SLC12A9: variants seen among roughly 807,000 people sequenced by gnomAD.
SLC12A9 encodes solute carrier family 12 member 9, also known as CCC-interacting protein 1.
A neutral mutation model predicts 66.0 loss-of-function variants in SLC12A9; 55 were observed. The ratio of observed to expected loss-of-function variants is 0.83; its 90% CI spans 0.67 to 1.04. The LOEUF is 1.04. Ranked by LOEUF, SLC12A9 falls within the 50% of genes least tolerant of loss-of-function variation. The pLI is 0.00. For synonymous variants in SLC12A9, 577 were observed against 569.0 expected, an observed-to-expected ratio of 1.01 and a Z score of -0.20; for missense variants, 1,061 against 1,241.9, an observed-to-expected ratio of 0.85 and a Z score of 2.19.
intron 1 of SLC12A9, among the ~76,000 whole-genome samples, chr7:100,837,804 C>T (rs1442558786): frequency 6.6e-6 from 1 of 151,474 alleles, no homozygotes; most frequent in Non-Finnish European, 1.5e-5. Context: ...GATTATAAAC[C>T]TGAGCCAATT....
chr7:100,833,799 G>C (rs1813589314), intron 1 of SLC12A9, among the ~76,000 whole-genome samples: 2 of 151,876 alleles, frequency 1.3e-5, no homozygotes, highest in South Asian at 4.2e-4. Context: ...CGGGTGTGGT[G>C]GTGGGCACCT....
intron 1 of SLC12A9, among the ~76,000 whole-genome samples, chr7:100,842,788 C>T (rs1813814222): frequency 6.6e-6 from 1 of 152,204 alleles, no homozygotes; most frequent in Non-Finnish European, 1.5e-5. Flanking sequence ...CCAGACTGTC[C>T]CCCTTCCACT....
At chr7:100,832,217 T>A (rs2437104) in intron 1 of SLC12A9, among the ~76,000 whole-genome samples, 174 of 150,778 alleles carry the variant, frequency 1.2e-3, no homozygotes, top group African/African-American at 4.0e-3. Context: ...CAAAAAAAAA[T>A]AACTTAGCCA....
chr7:100,836,669 GT>G (rs1813665225), intron 1 of SLC12A9, among the ~76,000 whole-genome samples: 1 of 152,084 alleles, frequency 6.6e-6, no homozygotes, highest in Non-Finnish European at 1.5e-5. Flanking sequence ...CTCCTGGGCC[GT>G]TTTGCCCCAT....
At chr7:100,828,418 A>T (rs747108601) in intron 1 of SLC12A9, among the ~76,000 whole-genome samples, 3 of 151,942 alleles carry the variant, frequency 2.0e-5, no homozygotes, top group African/African-American at 7.3e-5. Context: ...GCGCGCCTGT[A>T]ATCCTAGCTA....
chr7:100,865,332 T>C (rs1815004647), intron 13 of SLC12A9: 1 of 1,536,016 alleles, frequency 6.5e-7, no homozygotes, highest in Non-Finnish European at 8.7e-7. Context: ...TGAGCTTGGC[T>C]GATCAGGGTG....
At chr7:100,829,611 T>A (rs1813504467) in intron 1 of SLC12A9, among the ~76,000 whole-genome samples, 1 of 152,076 alleles carries the variant, frequency 6.6e-6, no homozygotes, top group South Asian at 2.1e-4. Context: ...CCCTCCCCGA[T>A]GCAGGCCCAG....
rs759021504 is a variant in SLC12A9 at position 100,856,938 on chromosome 7, G to A, written c.519G>A (p.Leu173=). 2.5e-6 allele frequency: 4 copies of A among 1,612,958 alleles called. No homozygotes were observed. Among genetic ancestry groups the A allele is most frequent in the Non-Finnish European group, 3.4e-6 (4 of 1,180,016 alleles). The stretch of plus-strand genomic sequence containing the variant: ...GCTGGAACCTGCTGTATGGCTCCCT[G>A]CTGCTGGGCCTTGTGGGTGGGGTCT... ...GYGWNLLYGS[L]LLGLVGGVCT... is the part of the protein sequence containing the mutation. Residue 173 remains leucine, a synonymous_variant, in exon 5 of 14, where the codon CTG becomes CTA. Transcript: ENST00000354161.
chr7:100,826,964 C>CCA (rs200488259), exon 1 of SLC12A9: 3 of 1,441,856 alleles, frequency 2.1e-6, no homozygotes, highest in African/African-American at 3.3e-5. Flanking sequence ...CGCCCCCCCC[C>CCA]GCAAGGAAAC....
chr7:100,866,132 G>T lies in SLC12A9; in HGVS notation c.2272G>T (p.Val758Leu). The T allele has an allele frequency of 6.2e-7, 1 of 1,612,936 alleles. No homozygotes were observed. Among genetic ancestry groups the T allele is most frequent in the Non-Finnish European group, 8.5e-7 (1 of 1,179,832 alleles). ...LLQMATILGM[V>L]PAWHSARLRI... The stretch of plus-strand genomic sequence containing the variant: ...GCAGATGGCAACCATCTTGGGCATG[G>T]TGCCCGCTTGGCATAGCGCCCGGCT... The change falls in exon 14 of 14, where the codon GTG becomes TTG. Residue 758 changes from valine to leucine, a missense_variant. Physicochemically the swap from Val to Leu is conservative, Grantham distance 32 (BLOSUM62 1). Transcript: ENST00000354161. The surrounding 1 kb of genome is among the most constrained non-coding windows in gnomAD (Gnocchi z 7.3).
rs751964026 is a variant in SLC12A9 at position 100,854,170 on chromosome 7, T to G, written c.-28T>G. 1 of 1,530,464 alleles carries G rather than the reference T, an allele frequency of 6.5e-7. No individual in the cohort carries two copies. Among genetic ancestry groups the G allele is most frequent in the East Asian group, 2.4e-5 (1 of 42,354 alleles). The allele number at this position is 1,530,464 out of a possible 1,614,324, so 94.8% of individuals were successfully genotyped here. ...CTCCTTTGCAGGTCACCTAACCCAT[T>G]TGTGGCTTCCTCTACCTGTGCTCAG... is the stretch of plus-strand genomic sequence containing the variant. On this transcript the variant is annotated 5_prime_UTR_variant, in exon 2 of 14. In the 5' UTR this introduces an upstream ATG that the reference lacks. Transcript: ENST00000354161.
chr7:100,862,907 G>C (rs1032508463), intron 13 of SLC12A9, 80 bp downstream of exon 13: 21 of 1,556,660 alleles, frequency 1.3e-5, no homozygotes, highest in Admixed American at 5.1e-5. Flanking sequence ...TAGAGAGTCA[G>C]CCACAGATTG....
upstream of SLC12A9, among the ~76,000 whole-genome samples, chr7:100,850,602 A>G (rs190175277): frequency 1.8e-4 from 27 of 151,380 alleles, no homozygotes; most frequent in Non-Finnish European, 2.7e-4. Context: ...GTGCACTGGC[A>G]CTATCATAGC....
intron 1 of SLC12A9, among the ~76,000 whole-genome samples, chr7:100,835,564 C>T (rs2571609): frequency 0.22 from 33,164 of 150,906 alleles, 4,486 homozygotes; most frequent in East Asian, 0.56. Context: ...GCAGGAGAAT[C>T]GCTTGAACCC....
chr7:100,851,784 CAA>C (rs66749400), upstream of SLC12A9, among the ~76,000 whole-genome samples: 20 of 74,238 alleles, frequency 2.7e-4, no homozygotes, highest in African/African-American at 2.9e-4. Context: ...GTTCCTGGAT[CAA>C]AAAAAAAAAA....
rs1008756420 is a variant in SLC12A9 at position 100,859,694 on chromosome 7, G to C, written c.978-191G>C. On this transcript the variant is annotated intron_variant, in intron 7 of 13. Transcript: ENST00000354161. ...GCACTGCACTTTAGCCTGGGGGTTG[G>C]AGTGAGACCTTGTCTCTTAAAAAAA... 9 of 665,134 alleles carry C rather than the reference G, an allele frequency of 1.4e-5. No individual in the cohort carries two copies. The Admixed American group carries it at 1.5e-4, about 11-fold the overall frequency. The allele number at this position is 665,134 out of a possible 1,614,324, so 41.2% of individuals were successfully genotyped here. A position where few individuals can be genotyped will look rare whatever the true frequency, so the allele number is the denominator to read the frequency against.
chr7:100,859,099 C>T lies in SLC12A9; in HGVS notation c.915C>T (p.Ala305=), dbSNP rs767360616. The stretch of plus-strand genomic sequence containing the variant: ...CGATCCCTCTGGGCACGATCGTCGC[C>T]GTCGCCTACACCTTCTTCGTCTATG... ...SRAIPLGTIV[A]VAYTFFVYVL... Residue 305 remains alanine, a synonymous_variant, in exon 7 of 14, where the codon GCC becomes GCT. Coordinates refer to ENST00000354161, the MANE Select transcript of SLC12A9 (RefSeq NM_020246.4). 1.1e-5 allele frequency: 18 copies of T among 1,613,940 alleles called. No homozygotes were observed. In the Admixed American group the frequency reaches 1.3e-4, roughly 12 times the overall value.
intron 1 of SLC12A9, among the ~76,000 whole-genome samples, chr7:100,846,651 C>T (rs529968074): frequency 3.9e-4 from 59 of 151,982 alleles, no homozygotes; most frequent in Non-Finnish European, 4.3e-4. Context: ...ATCGATCTGT[C>T]GTGCAAGAAG....
intron 13 of SLC12A9, 83 bp downstream of exon 13, chr7:100,862,910 A>AAACTG (rs1427065164): frequency 1.3e-6 from 2 of 1,551,734 alleles, no homozygotes; most frequent in Non-Finnish European, 1.8e-6. Flanking sequence ...AGAGTCAGCC[A>AAACTG]CAGATTGCAA....
Sources: allele counts gnomAD v4.1 joint callset (sites outside exome capture counted in the v4.1 genomes callset), GRCh38; gene constraint gnomAD v4.1.1; non-coding constraint Gnocchi (gnomAD v3.1); transcripts MANE v1.5; gene names NCBI Gene and HGNC (gene_info 2026-07-23, HGNC 2026-07-21).